The following LIN52 variants were observed in gnomAD, a reference collection of about 807,000 sequenced individuals.
LIN52 encodes protein lin-52 homolog.
In LIN52, 4 loss-of-function variants were observed where a neutral mutation model predicts 18.5. That is an observed-to-expected ratio of 0.22 (90% confidence interval 0.11 to 0.49). The LOEUF (loss-of-function observed/expected upper bound fraction) is 0.49. Ranked by LOEUF, LIN52 falls within the 20% of genes least tolerant of loss-of-function variation. LIN52 has a pLI of 0.97. For synonymous variants in LIN52, 34 were observed against 45.5 expected, an observed-to-expected ratio of 0.75 and a Z score of 1.02; for missense variants, 102 against 139.5, an observed-to-expected ratio of 0.73 and a Z score of 1.35.
chr14:74,181,211 TGA>T (rs1176101483), intron 5 of LIN52, among the ~76,000 whole-genome samples: 2 of 148,672 alleles, frequency 1.3e-5, no homozygotes, highest in Non-Finnish European at 3.0e-5. Context: ...AAGGACAGAG[TGA>T]GAGGATCACT....
At chr14:74,166,999 T>C (rs1566865503) in intron 5 of LIN52, among the ~76,000 whole-genome samples, 1 of 151,886 alleles carries the variant, frequency 6.6e-6, no homozygotes, top group East Asian at 1.9e-4. Flanking sequence ...CAGGTGTTGC[T>C]GGGATGGTGC....
At chr14:74,089,503 G>A (rs2060757885) in intron 1 of LIN52, among the ~76,000 whole-genome samples, 1 of 151,872 alleles carries the variant, frequency 6.6e-6, no homozygotes, top group African/African-American at 2.4e-5. Flanking sequence ...AAGTAGCTGG[G>A]ACTACAGGCT....
chr14:74,190,389 C>CTT (rs68037994), intron 5 of LIN52, among the ~76,000 whole-genome samples: 2,549 of 106,218 alleles, frequency 0.024, 170 homozygotes, highest in African/African-American at 0.074. Flanking sequence ...GCCTAAATAA[C>CTT]TTTTTTTTTT....
At chr14:74,094,996 T>A (rs2060798521) in intron 2 of LIN52, among the ~76,000 whole-genome samples, 2 of 151,272 alleles carry the variant, frequency 1.3e-5, no homozygotes, top group African/African-American at 4.9e-5. Context: ...ATATTTTTTT[T>A]AGAGACAGAG....
At chr14:74,139,610 C>G (rs944525670) in intron 5 of LIN52, among the ~76,000 whole-genome samples, 6 of 152,094 alleles carry the variant, frequency 3.9e-5, no homozygotes, top group Non-Finnish European at 7.4e-5. Flanking sequence ...TTTTCATCTT[C>G]AGGGAACAAG....
chr14:74,144,127 AT>A (rs60487392), intron 5 of LIN52, among the ~76,000 whole-genome samples: 112,921 of 146,858 alleles, frequency 0.77, 43,398 homozygotes, highest in Non-Finnish European at 0.81. Context: ...TTATTCTTCA[AT>A]TTTTTTTTTT....
At chr14:74,144,146 A>G (rs1209838393) in intron 5 of LIN52, among the ~76,000 whole-genome samples, 1 of 149,730 alleles carries the variant, frequency 6.7e-6, no homozygotes, top group Admixed American at 6.7e-5. Context: ...TTTTTTTAAG[A>G]CAGGGTCTTG....
chr14:74,137,775 G>A (rs1264979347), intron 5 of LIN52, among the ~76,000 whole-genome samples: 3 of 152,170 alleles, frequency 2.0e-5, no homozygotes, highest in East Asian at 3.9e-4. Context: ...TGAGATTACA[G>A]GCATGAGCCA....
chr14:74,170,436 A>G (rs577919116), intron 5 of LIN52, among the ~76,000 whole-genome samples: 1 of 152,176 alleles, frequency 6.6e-6, no homozygotes, highest in African/African-American at 2.4e-5. Flanking sequence ...TTTGGGGTAA[A>G]TATGAACTAT....
chr14:74,105,537 C>G (rs995420033), intron 5 of LIN52, among the ~76,000 whole-genome samples: 4 of 151,724 alleles, frequency 2.6e-5, no homozygotes, highest in African/African-American at 9.7e-5. Context: ...TACAGTCTCT[C>G]TTTGTTTTAT....
chr14:74,137,583 C>T (rs1013501022), intron 5 of LIN52, among the ~76,000 whole-genome samples: 1 of 148,666 alleles, frequency 6.7e-6, no homozygotes, highest in African/African-American at 2.5e-5. Flanking sequence ...ACCACAACCT[C>T]TCCCTCCTGG....
chr14:74,168,881 G>A (rs1412248426), intron 5 of LIN52, among the ~76,000 whole-genome samples: 2 of 151,790 alleles, frequency 1.3e-5, no homozygotes, highest in Non-Finnish European at 2.9e-5. Flanking sequence ...GGCCATCATG[G>A]CAAAACCCCA....
intron 4 of LIN52, among the ~76,000 whole-genome samples, chr14:74,099,586 TTG>T (rs148601338): frequency 0.03 from 4,509 of 148,970 alleles, 221 homozygotes; most frequent in African/African-American, 0.1. Context: ...AGTATTGTCT[TTG>T]TGTGTGTGTG....
intron 5 of LIN52, among the ~76,000 whole-genome samples, chr14:74,143,826 G>A (rs748058683): frequency 2.0e-4 from 31 of 152,026 alleles, no homozygotes; most frequent in Non-Finnish European, 2.6e-4. Context: ...CATAATATGT[G>A]ATACCTTACT....
intron 5 of LIN52, among the ~76,000 whole-genome samples, chr14:74,157,319 C>A (rs1386787268): frequency 6.6e-6 from 1 of 152,046 alleles, no homozygotes; most frequent in African/African-American, 2.4e-5. Flanking sequence ...AGGCATGAGC[C>A]ACCACACCTG....
At chr14:74,145,970 A>G (rs1044172827) in intron 5 of LIN52, among the ~76,000 whole-genome samples, 2 of 152,188 alleles carry the variant, frequency 1.3e-5, no homozygotes, top group Non-Finnish European at 1.5e-5. Flanking sequence ...TGCAGATTCT[A>G]TGACGTGAAA....
At chr14:74,095,495 G>A (rs2060805674) in intron 2 of LIN52, among the ~76,000 whole-genome samples, 1 of 151,854 alleles carries the variant, frequency 6.6e-6, no homozygotes, top group Admixed American at 6.6e-5. Context: ...GATCTTCAAG[G>A]GATCCTCCTG....
intron 5 of LIN52, among the ~76,000 whole-genome samples, chr14:74,142,772 C>T (rs1320502194): frequency 6.8e-6 from 1 of 147,626 alleles, no homozygotes; most frequent in Admixed American, 6.7e-5. Context: ...AAACAAAAAA[C>T]GGAAGAATCT....
intron 5 of LIN52, among the ~76,000 whole-genome samples, chr14:74,131,252 C>T (rs2139939011): frequency 6.6e-6 from 1 of 151,726 alleles, no homozygotes; most frequent in South Asian, 2.1e-4. Context: ...CTTAGAATTC[C>T]TAAGTGCTAT....
Sources: gnomAD v4.1 joint callset for allele counts (sites outside exome capture counted in the v4.1 genomes callset) on GRCh38, gnomAD v4.1.1 for gene constraint, MANE v1.5 for transcripts, NCBI Gene and HGNC (gene_info 2026-07-23, HGNC 2026-07-21) for gene names.